STAT5B: variants seen among roughly 807,000 people sequenced by gnomAD.
STAT5B encodes the protein signal transducer and activator of transcription 5B, also known as transcription factor STAT5B.
In STAT5B, 21 loss-of-function variants were observed where a neutral mutation model predicts 107.8. That is an observed-to-expected ratio of 0.19 (90% confidence interval 0.14 to 0.28). The LOEUF (loss-of-function observed/expected upper bound fraction) is 0.28, where lower values mean the gene tolerates loss of function less well. Among genes scored for constraint, STAT5B ranks in the 10% least tolerant of loss-of-function variants. STAT5B has a pLI of 1.00. For synonymous variants in STAT5B, 325 were observed against 401.7 expected (o/e 0.81, Z 2.28); for missense variants, 565 against 1,008.2 (o/e 0.56, Z 5.95).
chr17:42,221,245 A>G (rs116536929), intron 5 of STAT5B, among the ~76,000 whole-genome samples: 187 of 152,286 alleles, frequency 1.2e-3, no homozygotes, highest in African/African-American at 4.3e-3. Context: ...CTGCACGGCT[A>G]CCTCAGGAAT....
chr17:42,218,164 C>T lies in STAT5B; in HGVS notation c.1156G>A (p.Glu386Lys). Reference sequence around the variant, plus strand: ...CTGCACAATTACTTGCGGGTGTTCTCGTTCTTGAGCAGAGACTTGGCCTGC... The same window carrying T: ...CTGCACAATTACTTGCGGGTGTTCTTGTTCTTGAGCAGAGACTTGGCCTGC... ...EQQAKSLLKN[E>K]NTRNDYSGEI... is the part of the protein sequence containing the mutation. Residue 386 changes from glutamate (E) to lysine (K), a missense_variant, in exon 9 of 19, where the codon GAG (glutamate) becomes AAG (lysine). This residue lies in a region of STAT5B where 70 missense variants were observed against 73.2 expected (regional missense o/e 0.96). Coordinates refer to ENST00000293328, the MANE Select transcript of STAT5B (RefSeq NM_012448.4). 2 of 1,614,088 alleles carry T rather than the reference C, an allele frequency of 1.2e-6. No individual in the cohort carries two copies. The highest frequency in any genetic ancestry group is 1.7e-6 in the Non-Finnish European group (2 of 1,180,010).
chr17:42,275,158 C>G (rs978806928), intron 1 of STAT5B: 4 of 152,222 alleles, frequency 2.6e-5, no homozygotes, highest in African/African-American at 9.7e-5. Context: ...CTTACTCCAC[C>G]TATCTGGGCC....
chr17:42,259,002 G>A (rs900335868), intron 1 of STAT5B, among the ~76,000 whole-genome samples: 3 of 152,144 alleles, frequency 2.0e-5, no homozygotes, highest in African/African-American at 7.2e-5. Context: ...TAAAAATGAA[G>A]AGTAGCTAAG....
chr17:42,222,075 G>GTGTGTGTGTGC (rs1433104727), intron 5 of STAT5B, among the ~76,000 whole-genome samples: 1 of 143,270 alleles, frequency 7.0e-6, no homozygotes, highest in Non-Finnish European at 1.5e-5. Context: ...GCTGTGTGTG[G>GTGTGTGTGTGC]TGTGTGTGTG....
chr17:42,215,932 C>T, intron 12 of STAT5B, 82 bp downstream of exon 12: 2 of 1,495,358 alleles, frequency 1.3e-6, no homozygotes, highest in South Asian at 1.2e-5. Flanking sequence ...TTTTCCTATG[C>T]TTTTTAAAAG....
At chr17:42,279,273 C>A (rs1275119600), upstream of STAT5B, among the ~76,000 whole-genome samples, 3 of 152,078 alleles carry the variant, frequency 2.0e-5, no homozygotes, top group Non-Finnish European at 4.4e-5. Context: ...TTTCCTCTAT[C>A]TTCTCGTTTG....
intron 15 of STAT5B, among the ~76,000 whole-genome samples, chr17:42,209,386 A>G (rs1030502789): frequency 2.0e-5 from 3 of 152,184 alleles, no homozygotes; most frequent in African/African-American, 7.2e-5. Flanking sequence ...TTCACAGAAA[A>G]TGAACCAGCA....
intron 1 of STAT5B, among the ~76,000 whole-genome samples, chr17:42,264,228 T>C (rs1250650260): frequency 6.6e-6 from 1 of 152,024 alleles, no homozygotes; most frequent in African/African-American, 2.4e-5. Flanking sequence ...TTATTATACT[T>C]TAAGTTTTAG....
chr17:42,282,766 G>A, the STAT5B span, among the ~76,000 whole-genome samples: 1 of 152,184 alleles, frequency 6.6e-6, no homozygotes, highest in Non-Finnish European at 1.5e-5. Context: ...TCTGCACCAG[G>A]ACCTTATGAC....
At chr17:42,212,234 TG>T in intron 12 of STAT5B, 44 bp from the exon 13 acceptor site, 1 of 1,613,914 alleles carries the variant, frequency 6.2e-7, no homozygotes, top group Non-Finnish European at 8.5e-7. Context: ...AACAGTTGCA[TG>T]ATTTATTCCC....
At chr17:42,213,859 C>T (rs1348474606) in intron 12 of STAT5B, among the ~76,000 whole-genome samples, 4 of 146,512 alleles carry the variant, frequency 2.7e-5, no homozygotes, top group African/African-American at 5.0e-5. Context: ...AGCATAAGGT[C>T]GGCTGGGTGC....
At chr17:42,288,303 C>A in the STAT5B span, 1 of 152,346 alleles carries the variant, frequency 6.6e-6, no homozygotes, top group African/African-American at 2.4e-5. The surrounding 1 kb of genome is among the most constrained non-coding windows in gnomAD (Gnocchi z 4.8). Context: ...TCGGGGCAGC[C>A]CCCACGCCCG....
chr17:42,254,975 C>A (rs2080530372), intron 1 of STAT5B, among the ~76,000 whole-genome samples: 1 of 152,106 alleles, frequency 6.6e-6, no homozygotes, highest in Non-Finnish European at 1.5e-5. Context: ...CCTGTAGTCC[C>A]AGCTACTTGG....
chr17:42,211,182 C>T (rs1409419897), intron 13 of STAT5B, among the ~76,000 whole-genome samples: 3 of 151,420 alleles, frequency 2.0e-5, no homozygotes, highest in East Asian at 1.9e-4. Context: ...TGTGACAGAG[C>T]GAGACACCAT....
intron 15 of STAT5B, among the ~76,000 whole-genome samples, chr17:42,209,699 C>A (rs761676444): frequency 6.6e-6 from 1 of 151,978 alleles, no homozygotes; most frequent in South Asian, 2.1e-4. Flanking sequence ...AAGAGTGAGA[C>A]CCTGTTTCAA....
In STAT5B at chr17:42,227,651, T is replaced by C; in HGVS notation, c.163A>G (p.Ile55Val). Residue 55 changes from isoleucine to valine, a missense_variant, in exon 3 of 19, where the codon ATT becomes GTT. Coordinates refer to ENST00000293328, the MANE Select transcript of STAT5B (RefSeq NM_012448.4). ...SVDLDNPQEN[I>V]KATQLLEGLV... ...CCCTCCAGGAGCTGGGTGGCCTTAA[T>C]GTTCTCCTGTGGATTATCAAGATCT... The C allele has an allele frequency of 6.2e-7, 1 of 1,614,132 alleles. No individual in the cohort carries two copies.
intron 2 of STAT5B, among the ~76,000 whole-genome samples, chr17:42,230,283 G>C (rs1352096232): frequency 3.3e-5 from 5 of 152,148 alleles, no homozygotes; most frequent in African/African-American, 9.7e-5. Context: ...ATTACAGACA[G>C]GTATATGGCC....
At chr17:42,287,330 A>ACCCAC in the STAT5B span, among the ~76,000 whole-genome samples, 4 of 144,446 alleles carry the variant, frequency 2.8e-5, no homozygotes, top group African/African-American at 1.1e-4. Flanking sequence ...ATGAGAATGC[A>ACCCAC]CCCCCCCCAA....
chr17:42,262,109 A>T (rs1052982052), intron 1 of STAT5B, among the ~76,000 whole-genome samples: 3 of 152,170 alleles, frequency 2.0e-5, no homozygotes, highest in Admixed American at 2.0e-4. Flanking sequence ...TTAAAGTATC[A>T]ACTCATAATT....
Sources: allele counts gnomAD v4.1 joint callset (sites outside exome capture counted in the v4.1 genomes callset), GRCh38; gene constraint gnomAD v4.1.1; regional missense constraint gnomAD v4.1.1; non-coding constraint Gnocchi (gnomAD v3.1); transcripts MANE v1.5; gene names NCBI Gene and HGNC (gene_info 2026-07-23, HGNC 2026-07-21).